LRBA: variants seen among roughly 807,000 people sequenced by gnomAD.
The protein encoded by LRBA is lipopolysaccharide-responsive and beige-like anchor protein.
A neutral mutation model predicts 330.0 loss-of-function variants in LRBA; 176 were observed. That is an observed-to-expected ratio of 0.53 (90% confidence interval 0.47 to 0.60). The LOEUF is 0.60. Ranked by LOEUF, LRBA falls within the 20% of genes least tolerant of loss-of-function variation. LRBA has a pLI of 0.00. For missense variants in LRBA, 3,259 were observed against 3,444.8 expected, an observed-to-expected ratio of 0.95 and a Z score of 1.35; for synonymous variants, 1,230 against 1,193.0, an observed-to-expected ratio of 1.03 and a Z score of -0.64.
rs55721604 is a variant in LRBA, at chr4:150,805,261, C to T, written c.5518+1010G>A. Among the ~76,000 whole-genome samples the T allele has an allele frequency of 1.1e-3, 80 of 74,624 alleles. No homozygotes were observed. In the East Asian group the frequency reaches 0.027, roughly 25 times the overall value. The allele number at this position is 74,624 out of a possible 152,430, so 49.0% of individuals were successfully genotyped here. ...AAAGGAGAAGGAAAGGAGAAGGAAA[C>T]GAGAAGGAAAGGAAAGGAAAGGAGA... On this transcript the variant is annotated intron_variant, in intron 33 of 56. Coordinates refer to ENST00000651943, the MANE Select transcript of LRBA (RefSeq NM_001364905.1).
At chr4:150,924,421 G>A (rs1167757205) in intron 4 of LRBA, among the ~76,000 whole-genome samples, 1 of 152,088 alleles carries the variant, frequency 6.6e-6, no homozygotes, top group Non-Finnish European at 1.5e-5. Flanking sequence ...GCTGAGGTGG[G>A]AGGATTGCTT....
At chr4:150,316,863 G>T (rs1414000393) in intron 50 of LRBA, among the ~76,000 whole-genome samples, 1 of 152,070 alleles carries the variant, frequency 6.6e-6, no homozygotes, top group East Asian at 1.9e-4. Flanking sequence ...GGGGCGTTGG[G>T]GTTCCTATCT....
chr4:150,718,075 C>T (rs952200730), intron 36 of LRBA, among the ~76,000 whole-genome samples: 2 of 152,210 alleles, frequency 1.3e-5, no homozygotes, highest in African/African-American at 4.8e-5. Context: ...GATGTTTCTG[C>T]ATGACATAAT....
At chr4:150,849,636 A>C (rs1750360020) in intron 24 of LRBA, 61 bp from the exon 25 acceptor site, 1 of 1,354,460 alleles carries the variant, frequency 7.4e-7, no homozygotes, top group Non-Finnish European at 1.0e-6. Flanking sequence ...CAGTTTGCCT[A>C]CTTGAGGGGA....
chr4:150,934,916 G>A (rs1208807077), intron 2 of LRBA, among the ~76,000 whole-genome samples: 5 of 151,934 alleles, frequency 3.3e-5, no homozygotes, highest in Admixed American at 6.6e-5. Flanking sequence ...GCTGAGGCAG[G>A]AGAATCGCTT....
intron 37 of LRBA, among the ~76,000 whole-genome samples, chr4:150,642,503 G>A (rs565477772): frequency 6.6e-6 from 1 of 151,904 alleles, no homozygotes; most frequent in South Asian, 2.1e-4. Context: ...GCTGTGAAGA[G>A]TACAGGAAAA....
chr4:150,453,060 C>T (rs549898090), intron 44 of LRBA, among the ~76,000 whole-genome samples: 12 of 152,112 alleles, frequency 7.9e-5, no homozygotes, highest in South Asian at 2.1e-4. Context: ...ACTAAATAAG[C>T]GGAAAAGACA....
chr4:150,866,610 T>C (rs1752721389), intron 22 of LRBA, among the ~76,000 whole-genome samples: 2 of 152,236 alleles, frequency 1.3e-5, no homozygotes, highest in South Asian at 2.1e-4. Context: ...ATTTGCATTA[T>C]CTTGTAAAGT....
chr4:150,415,807 T>G (rs1280329413), intron 46 of LRBA, among the ~76,000 whole-genome samples: 1 of 152,166 alleles, frequency 6.6e-6, no homozygotes, highest in Non-Finnish European at 1.5e-5. Context: ...ATAAATAACT[T>G]TCATAGGCTT....
chr4:150,923,229 C>T (rs1300118549), intron 4 of LRBA, among the ~76,000 whole-genome samples: 1 of 150,666 alleles, frequency 6.6e-6, no homozygotes, highest in African/African-American at 2.4e-5. Flanking sequence ...AAAATAGGGA[C>T]CAAAACCTTT....
intron 40 of LRBA, among the ~76,000 whole-genome samples, chr4:150,540,356 G>T (rs963262586): frequency 4.6e-5 from 7 of 152,046 alleles, no homozygotes; most frequent in African/African-American, 1.7e-4. Flanking sequence ...CACCACACCC[G>T]GCTAATTTTT....
chr4:150,656,267 C>T (rs968413605), intron 37 of LRBA, among the ~76,000 whole-genome samples: 2 of 152,226 alleles, frequency 1.3e-5, no homozygotes, highest in African/African-American at 4.8e-5. Flanking sequence ...TCAAGAGCAT[C>T]AGCCAAACCT....
At chr4:150,803,880 G>A (rs960850067) in intron 33 of LRBA, among the ~76,000 whole-genome samples, 2 of 151,916 alleles carry the variant, frequency 1.3e-5, no homozygotes, top group Non-Finnish European at 2.9e-5. Flanking sequence ...TTTGTTCAGG[G>A]ATATAGAAGT....
intron 17 of LRBA, among the ~76,000 whole-genome samples, chr4:150,885,303 T>A (rs551865004): frequency 6.6e-6 from 1 of 150,638 alleles, no homozygotes; most frequent in Non-Finnish European, 1.5e-5. Context: ...TCAAACTCAA[T>A]AAACCACCGA....
intron 2 of LRBA, among the ~76,000 whole-genome samples, chr4:150,984,756 G>A (rs373934297): frequency 2.0e-5 from 3 of 151,994 alleles, no homozygotes; most frequent in Non-Finnish European, 4.4e-5. Context: ...AAACAGAGAC[G>A]CATTTGGGTT....
At chr4:150,711,150 G>A (rs75963723) in intron 36 of LRBA, among the ~76,000 whole-genome samples, 1 of 151,958 alleles carries the variant, frequency 6.6e-6, no homozygotes, top group Non-Finnish European at 1.5e-5. Flanking sequence ...TGTATGCACA[G>A]AGAGACCCTT....
At chr4:150,799,275 T>C (rs946375237) in intron 33 of LRBA, among the ~76,000 whole-genome samples, 32 of 152,198 alleles carry the variant, frequency 2.1e-4, no homozygotes, top group African/African-American at 7.5e-4. Flanking sequence ...AAATTAGCTA[T>C]AGAATGTCTC....
intron 17 of LRBA, among the ~76,000 whole-genome samples, chr4:150,890,892 A>T (rs1029213512): frequency 6.6e-6 from 1 of 152,174 alleles, no homozygotes; most frequent in Non-Finnish European, 1.5e-5. Flanking sequence ...AATGTCTATG[A>T]TACTATCTTG....
At chr4:150,446,556 A>T (rs563562971) in intron 44 of LRBA, among the ~76,000 whole-genome samples, 1 of 152,210 alleles carries the variant, frequency 6.6e-6, no homozygotes, top group East Asian at 1.9e-4. Context: ...AAAAAGCCCA[A>T]TCCTGGCAAG....
Sources: gnomAD v4.1 joint callset for allele counts (sites outside exome capture counted in the v4.1 genomes callset) on GRCh38, gnomAD v4.1.1 for gene constraint, MANE v1.5 for transcripts, NCBI Gene and HGNC (gene_info 2026-07-23, HGNC 2026-07-21) for gene names.